The following NOVA1 variants were observed in gnomAD, a reference collection of about 807,000 sequenced individuals.
The protein encoded by NOVA1 is NOVA alternative splicing regulator 1, also known as RNA-binding protein Nova-1.
Under a neutral mutation model 38.0 loss-of-function variants are expected in NOVA1, and 7 were observed. The ratio of observed to expected loss-of-function variants is 0.18; its 90% CI spans 0.10 to 0.35. The LOEUF is 0.35. NOVA1 is among the 10% of genes least tolerant of loss of function. The pLI, the probability that NOVA1 is intolerant of heterozygous loss-of-function variation, is 1.00. For synonymous variants in NOVA1, 270 were observed against 232.5 expected (o/e 1.16, Z -1.47); for missense variants, 460 against 616.0 (o/e 0.75, Z 2.68).
intron 2 of NOVA1, among the ~76,000 whole-genome samples, chr14:26,560,597 T>G (rs1001504359): frequency 6.6e-6 from 1 of 152,132 alleles, no homozygotes; most frequent in African/African-American, 2.4e-5. Flanking sequence ...AACGTGGTAG[T>G]TGTAAGGACA....
Position 26,444,106 on chromosome 14 carries a change from G to A in NOVA1, c.*3853C>T, listed in dbSNP as rs573099563. ...TATAAGAATGGATTAAAAGGAATAT[G>A]ATTATCAGTACCTTTGTTGAAATCT... On this transcript the variant is annotated 3_prime_UTR_variant, in exon 5 of 5. Coordinates refer to ENST00000539517, the MANE Select transcript of NOVA1 (RefSeq NM_002515.3). The A allele has an allele frequency of 3.9e-5, 6 of 152,144 alleles. No homozygotes were observed. The highest frequency in any genetic ancestry group is 3.9e-4 in the East Asian group (2 of 5,172). The allele number at this position is 152,144 out of a possible 1,614,324, so 9.4% of individuals were successfully genotyped here. A position where few individuals can be genotyped will look rare whatever the true frequency, so the allele number is the denominator to read the frequency against.
At chr14:26,549,429 G>A (rs1309601965) in intron 2 of NOVA1, 1 of 158,506 alleles carries the variant, frequency 6.3e-6, no homozygotes, top group African/African-American at 2.5e-5. Flanking sequence ...ATATGATTAA[G>A]TTCCATTCAA....
intron 4 of NOVA1, among the ~76,000 whole-genome samples, chr14:26,451,108 G>T (rs1394678185): frequency 2.6e-5 from 4 of 152,026 alleles, no homozygotes; most frequent in African/African-American, 9.7e-5. Flanking sequence ...TTAATAAAAG[G>T]TAATGAAATT....
At chr14:26,541,328 T>C (rs546859645) in intron 2 of NOVA1, among the ~76,000 whole-genome samples, 13 of 151,954 alleles carry the variant, frequency 8.6e-5, no homozygotes, top group Admixed American at 7.2e-4. Context: ...GGATTAGTTA[T>C]GAAATAAAGA....
chr14:26,513,692 A>T, intron 2 of NOVA1, among the ~76,000 whole-genome samples: 1 of 149,914 alleles, frequency 6.7e-6, no homozygotes, highest in East Asian at 1.9e-4. Context: ...TATTTAATAA[A>T]AAAACAGATA....
intron 4 of NOVA1, among the ~76,000 whole-genome samples, chr14:26,450,388 C>CACAT (rs1233608926): frequency 1.3e-5 from 2 of 151,990 alleles, no homozygotes; most frequent in East Asian, 3.9e-4. Context: ...ATAATACACA[C>CACAT]ACACACACAC....
chr14:26,517,009 G>A (rs1328849129), intron 2 of NOVA1, among the ~76,000 whole-genome samples: 1 of 151,210 alleles, frequency 6.6e-6, no homozygotes, highest in Non-Finnish European at 1.5e-5. Context: ...AGGTTCAAGC[G>A]ATTCTCCTGC....
intron 2 of NOVA1, among the ~76,000 whole-genome samples, chr14:26,594,709 TTGAAAG>T (rs1252640040): frequency 6.6e-6 from 1 of 151,978 alleles, no homozygotes; most frequent in Admixed American, 6.5e-5. Flanking sequence ...AAAGGCATAC[TTGAAAG>T]TGAAAAACAA....
chr14:26,595,610 C>T (rs1043237615), intron 1 of NOVA1, 57 bp from the exon 2 acceptor site: 13 of 1,500,048 alleles, frequency 8.7e-6, no homozygotes, highest in African/African-American at 1.4e-5. Context: ...TTTGTATCCC[C>T]TCTCCACCCT....
At chr14:26,570,140 C>T (rs768234066) in intron 2 of NOVA1, among the ~76,000 whole-genome samples, 1 of 151,876 alleles carries the variant, frequency 6.6e-6, no homozygotes, top group African/African-American at 2.4e-5. Flanking sequence ...TGAGGTCAGG[C>T]GTTCGAGATC....
At chr14:26,518,829 T>C (rs982750646) in intron 2 of NOVA1, among the ~76,000 whole-genome samples, 1 of 152,062 alleles carries the variant, frequency 6.6e-6, no homozygotes, top group Non-Finnish European at 1.5e-5. Context: ...ATGACTCTGA[T>C]GTTTGGGATA....
At chr14:26,548,218 A>G (rs1477175876) in intron 2 of NOVA1, among the ~76,000 whole-genome samples, 1 of 152,060 alleles carries the variant, frequency 6.6e-6, no homozygotes, top group Non-Finnish European at 1.5e-5. Flanking sequence ...TATCTTGGTA[A>G]GGTACAATTC....
chr14:26,512,151 T>C (rs1003832865), intron 2 of NOVA1, among the ~76,000 whole-genome samples: 9 of 152,204 alleles, frequency 5.9e-5, no homozygotes, highest in African/African-American at 2.2e-4. Context: ...TATATTTTGC[T>C]TTAAATCTGT....
intron 2 of NOVA1, among the ~76,000 whole-genome samples, chr14:26,579,829 G>A (rs1348133973): frequency 6.6e-6 from 1 of 151,952 alleles, no homozygotes; most frequent in East Asian, 1.9e-4. Context: ...AAGAACATGA[G>A]TTAAAATATT....
At chr14:26,452,515 A>T (rs1288380318) in intron 4 of NOVA1, among the ~76,000 whole-genome samples, 2 of 152,222 alleles carry the variant, frequency 1.3e-5, no homozygotes, top group African/African-American at 2.4e-5. Flanking sequence ...CATTTACCAA[A>T]GCAAATGTCT....
At chr14:26,574,817 C>G (rs1175547159) in intron 2 of NOVA1, among the ~76,000 whole-genome samples, 4 of 151,870 alleles carry the variant, frequency 2.6e-5, no homozygotes, top group Non-Finnish European at 5.9e-5. Context: ...CCACTATGCC[C>G]ACTAATTTAA....
chr14:26,584,375 T>A (rs1893395588), intron 2 of NOVA1, among the ~76,000 whole-genome samples: 1 of 151,530 alleles, frequency 6.6e-6, no homozygotes. Context: ...CGCCAGACTA[T>A]AAGTGTCACT....
Position 26,448,599 on chromosome 14 carries a change from G to C in NOVA1, c.884C>G (p.Ala295Gly). 6.2e-7 allele frequency: 1 copy of C among 1,614,246 alleles called. No individual in the cohort carries two copies. The highest frequency in any genetic ancestry group is 8.5e-7 in the Non-Finnish European group (1 of 1,180,048). The change falls in exon 5 of 5, where the codon GCT becomes GGT. Residue 295 changes from alanine to glycine, a missense_variant. Physicochemically the swap from Ala to Gly is moderately conservative, Grantham distance 60. Transcript: ENST00000539517. This position sits in a 1 kb window ranked among gnomAD's most constrained non-coding sequence, Gnocchi z 5.3. ...AACTGCTGGAAAGGCTGCAACGCCAGCAAGGTTAGCATGTCCTAATAGCCC... is the reference window on the plus strand; with the variant it reads ...AACTGCTGGAAAGGCTGCAACGCCACCAAGGTTAGCATGTCCTAATAGCCC... ...AAGLLGHANL[A>G]GVAAFPAVLS...
intron 2 of NOVA1, among the ~76,000 whole-genome samples, chr14:26,569,689 G>C (rs1487088088): frequency 6.6e-6 from 1 of 152,102 alleles, no homozygotes; most frequent in Non-Finnish European, 1.5e-5. Flanking sequence ...CATAATCAAA[G>C]AAGCAAAAGT....
Sources: allele counts gnomAD v4.1 joint callset (sites outside exome capture counted in the v4.1 genomes callset), GRCh38; gene constraint gnomAD v4.1.1; non-coding constraint Gnocchi (gnomAD v3.1); transcripts MANE v1.5; gene names NCBI Gene and HGNC (gene_info 2026-07-23, HGNC 2026-07-21).